PRKAG2: variants seen among roughly 807,000 people sequenced by gnomAD.
The protein encoded by PRKAG2 is protein kinase AMP-activated non-catalytic subunit gamma 2, also known as 5'-AMP-activated protein kinase subunit gamma-2.
A neutral mutation model predicts 69.6 loss-of-function variants in PRKAG2; 26 were observed. The ratio of observed to expected loss-of-function variants is 0.37; its 90% confidence interval spans 0.27 to 0.52. PRKAG2 has a LOEUF of 0.52. Ranked by LOEUF, PRKAG2 falls within the 20% of genes least tolerant of loss-of-function variation. The pLI is 0.90. For synonymous variants in PRKAG2, 293 were observed against 285.0 expected, an observed-to-expected ratio of 1.03 and a Z score of -0.28; for missense variants, 557 against 740.0, an observed-to-expected ratio of 0.75 and a Z score of 2.87.
At chr7:151,575,518 A>G (rs778560500) in intron 7 of PRKAG2, among the ~76,000 whole-genome samples, 6 of 152,252 alleles carry the variant, frequency 3.9e-5, no homozygotes, top group Non-Finnish European at 8.8e-5. Context: ...AGACAATGGC[A>G]TTGTCTGCTG....
chr7:151,862,246 A>C (rs2079948364), intron 1 of PRKAG2, among the ~76,000 whole-genome samples: 1 of 152,106 alleles, frequency 6.6e-6, no homozygotes, highest in South Asian at 2.1e-4. Flanking sequence ...CCCAAGTGGG[A>C]GGTGAAGGAA....
At chr7:151,684,608 G>A (rs1285425400) in intron 3 of PRKAG2, among the ~76,000 whole-genome samples, 1 of 152,182 alleles carries the variant, frequency 6.6e-6, no homozygotes, top group Non-Finnish European at 1.5e-5. Flanking sequence ...AGAAGACCCT[G>A]CTGGTCGGAA....
chr7:151,619,470 T>C (rs886780136), intron 5 of PRKAG2, among the ~76,000 whole-genome samples: 1 of 152,220 alleles, frequency 6.6e-6, no homozygotes, highest in Non-Finnish European at 1.5e-5. Context: ...ATCAGTAGCA[T>C]AGAAATACAG....
At chr7:151,866,626 G>A (rs1275475991) in intron 1 of PRKAG2, among the ~76,000 whole-genome samples, 2 of 152,134 alleles carry the variant, frequency 1.3e-5, no homozygotes, top group African/African-American at 4.8e-5. Context: ...GAGGAAGAAG[G>A]CTCTCTGGGG....
At chr7:151,690,907 T>C (rs532800624) in intron 3 of PRKAG2, among the ~76,000 whole-genome samples, 7 of 152,352 alleles carry the variant, frequency 4.6e-5, no homozygotes, top group African/African-American at 1.7e-4. Flanking sequence ...CGCTTATCGC[T>C]ATCCCATGGG....
intron 4 of PRKAG2, among the ~76,000 whole-genome samples, chr7:151,673,913 G>A (rs1469433003): frequency 6.8e-6 from 1 of 147,622 alleles, no homozygotes; most frequent in Non-Finnish European, 1.5e-5. Flanking sequence ...TGCAATCTCG[G>A]CTCACTGCAA....
intron 1 of PRKAG2, among the ~76,000 whole-genome samples, chr7:151,838,441 C>T (rs1234206994): frequency 1.3e-5 from 2 of 151,742 alleles, no homozygotes; most frequent in Admixed American, 6.6e-5. Context: ...GGTGCAGTGG[C>T]TCACATCTAT....
chr7:151,851,111 C>G (rs926700027), intron 1 of PRKAG2, among the ~76,000 whole-genome samples: 5 of 152,038 alleles, frequency 3.3e-5, no homozygotes, highest in African/African-American at 1.2e-4. Context: ...TCTTAATGGC[C>G]TGGTAGGGAA....
intron 3 of PRKAG2, among the ~76,000 whole-genome samples, chr7:151,747,025 G>A (rs1054749314): frequency 6.6e-6 from 1 of 152,206 alleles, no homozygotes; most frequent in Non-Finnish European, 1.5e-5. Flanking sequence ...AAATTGTGAT[G>A]GGGCGGGGGA....
In PRKAG2 at chr7:151,776,248, C is replaced by A. The variant is rs542422698; in HGVS notation, c.466+4904G>T. Among the ~76,000 whole-genome samples, 59 of 152,336 alleles carry A rather than the reference C, an allele frequency of 3.9e-4. No homozygotes were observed. The Middle Eastern group carries it at 0.01, about 26-fold the overall frequency. ...GGCTTCTCTGAAGAAGCCATGCCCCCACCCCAACCTAATCAATCCTTGCCC... is the reference window on the plus strand; with the variant it reads ...GGCTTCTCTGAAGAAGCCATGCCCCAACCCCAACCTAATCAATCCTTGCCC... On this transcript the variant is annotated intron_variant, in intron 3 of 15. Coordinates refer to ENST00000287878, the MANE Select transcript of PRKAG2 (RefSeq NM_016203.4).
At chr7:151,867,870 G>C (rs1055416451) in intron 1 of PRKAG2, among the ~76,000 whole-genome samples, 1 of 152,144 alleles carries the variant, frequency 6.6e-6, no homozygotes, top group Non-Finnish European at 1.5e-5. Context: ...CCCTCACCCT[G>C]TTGCATCCTT....
intron 6 of PRKAG2, 77 bp downstream of exon 6, chr7:151,595,268 G>T: frequency 1.9e-6 from 2 of 1,046,012 alleles, no homozygotes; most frequent in Non-Finnish European, 2.9e-6. Context: ...TGCTGGCATT[G>T]CTGGTTTTAA....
intron 5 of PRKAG2, among the ~76,000 whole-genome samples, chr7:151,611,708 G>C (rs1818912828): frequency 6.6e-6 from 1 of 152,094 alleles, no homozygotes; most frequent in East Asian, 1.9e-4. Context: ...GCACTTACGT[G>C]GGGTGGTCCA....
Position 151,876,925 on chromosome 7 carries a change from C to A in PRKAG2, c.-305G>T, listed in dbSNP as rs531967309. On this transcript the variant is annotated 5_prime_UTR_variant, in exon 1 of 16. Coordinates refer to ENST00000287878, the MANE Select transcript of PRKAG2 (RefSeq NM_016203.4). ...GTCTCCCGCTGGGTGACAAAGTTTT[C>A]TTCCTTTTGCAAAGCTAAGAAACAT... The A allele has an allele frequency of 1.2e-4, 58 of 483,068 alleles. No individual in the cohort carries two copies. The highest frequency in any genetic ancestry group is 1.0e-3 in the African/African-American group (54 of 51,518). 29.9% of individuals were successfully genotyped at this position (483,068 alleles called of 1,614,324 possible).
chr7:151,605,422 C>A (rs1354632332), intron 5 of PRKAG2, among the ~76,000 whole-genome samples: 2 of 151,674 alleles, frequency 1.3e-5, no homozygotes, highest in South Asian at 2.1e-4. Flanking sequence ...AATAAAATTT[C>A]TTTAAAAAAT....
At chr7:151,588,733 C>T (rs897079492) in intron 6 of PRKAG2, among the ~76,000 whole-genome samples, 2 of 111,576 alleles carry the variant, frequency 1.8e-5, no homozygotes, top group Non-Finnish European at 3.7e-5. Context: ...TAAGACATGA[C>T]TTGCTTCTCC....
rs1300640443 is a variant in PRKAG2, at chr7:151,781,356, G to T, written c.262C>A (p.Pro88Thr). The change falls in exon 3 of 16, where the codon CCC becomes ACC. Residue 88 changes from proline to threonine, a missense_variant. Pro to Thr is a conservative substitution (Grantham distance 38, BLOSUM62 -1). Transcript: ENST00000287878. The surrounding 1 kb of genome is among the most constrained non-coding windows in gnomAD (Gnocchi z 6.1). Reference sequence around the variant, plus strand: ...TTGGGCCTCACAGGTGCAGACATGGGGCTGGAGGGCCGGGGCTGGGGGCCT... The same window carrying T: ...TTGGGCCTCACAGGTGCAGACATGGTGCTGGAGGGCCGGGGCTGGGGGCCT... ...SRGPQPRPSS[P>T]MSAPVRPKTS... is the part of the protein sequence containing the mutation. 4 of 1,613,604 alleles carry T rather than the reference G, an allele frequency of 2.5e-6. No individual in the cohort carries two copies. Among genetic ancestry groups the T allele is most frequent in the Non-Finnish European group, 3.4e-6 (4 of 1,179,906 alleles).
intron 1 of PRKAG2, among the ~76,000 whole-genome samples, chr7:151,870,756 G>C (rs1193900042): frequency 6.6e-6 from 1 of 152,246 alleles, no homozygotes; most frequent in Non-Finnish European, 1.5e-5. Context: ...CCAGCTCGGA[G>C]GGTGCGTGGC....
chr7:151,838,817 C>A (rs895194102), intron 1 of PRKAG2, among the ~76,000 whole-genome samples: 6 of 151,316 alleles, frequency 4.0e-5, no homozygotes, highest in Non-Finnish European at 8.8e-5. Flanking sequence ...GAGTTAGAGA[C>A]AAGCCTGGCC....
Sources: allele counts gnomAD v4.1 joint callset (sites outside exome capture counted in the v4.1 genomes callset), GRCh38; gene constraint gnomAD v4.1.1; non-coding constraint Gnocchi (gnomAD v3.1); transcripts MANE v1.5; gene names NCBI Gene and HGNC (gene_info 2026-07-23, HGNC 2026-07-21).